Variants in KAZN observed in about 807,000 individuals in gnomAD.
The protein encoded by KAZN is kazrin.
A neutral mutation model predicts 87.4 loss-of-function variants in KAZN; 40 were observed. The ratio of observed to expected loss-of-function variants is 0.46; its 90% confidence interval spans 0.36 to 0.60. KAZN has a LOEUF of 0.60. Ranked by LOEUF, KAZN falls within the 20% of genes least tolerant of loss-of-function variation. KAZN has a pLI of 0.00. For missense variants in KAZN, 898 were observed against 1,073.9 expected, an observed-to-expected ratio of 0.84 and a Z score of 2.29; for synonymous variants, 466 against 458.3, an observed-to-expected ratio of 1.02 and a Z score of -0.22.
rs142854386 is a variant in KAZN at position 14,815,012 on chromosome 1, A to G, written c.227-145672A>G. Among the ~76,000 whole-genome samples the G allele has an allele frequency of 1.9e-3, 293 of 152,222 alleles. 3 individuals are homozygous for G. The highest frequency in any genetic ancestry group is 6.9e-3 in the African/African-American group (287 of 41,552). ...AGTGGGCACCCAGTGGAAGGCAATG[A>G]GTGGACTTCCACTCACAGCAGGGCC... On this transcript the variant is annotated intron_variant, in intron 1 of 14. Transcript: ENST00000376030.
chr1:14,986,824 C>G (rs1245944931), intron 2 of KAZN, among the ~76,000 whole-genome samples: 2 of 152,184 alleles, frequency 1.3e-5, no homozygotes, highest in African/African-American at 4.8e-5. Flanking sequence ...GGACACCAAT[C>G]ACTGTGCCTG....
At chr1:14,884,416 T>C (rs982113463) in intron 1 of KAZN, among the ~76,000 whole-genome samples, 2 of 152,020 alleles carry the variant, frequency 1.3e-5, no homozygotes, top group Non-Finnish European at 1.5e-5. Flanking sequence ...CAAAGGACAT[T>C]GACACCAAAA....
intron 1 of KAZN, among the ~76,000 whole-genome samples, chr1:14,724,201 A>C (rs928516803): frequency 2.0e-5 from 3 of 152,168 alleles, no homozygotes; most frequent in African/African-American, 7.2e-5. Context: ...AAATCCCCCA[A>C]CCAATTTTTT....
At chr1:14,561,026 G>A (rs553997803) in intron 2 of KAZN, among the ~76,000 whole-genome samples, 2 of 152,130 alleles carry the variant, frequency 1.3e-5, no homozygotes, top group African/African-American at 2.4e-5. Flanking sequence ...CCCTGTCTAA[G>A]CTCCTCTCTG....
At chr1:14,006,653 A>G (rs1198311150) in intron 1 of KAZN, among the ~76,000 whole-genome samples, 1 of 152,142 alleles carries the variant, frequency 6.6e-6, no homozygotes, top group Non-Finnish European at 1.5e-5. Flanking sequence ...TTGACTGTAC[A>G]TGCTTGAGTT....
intron 2 of KAZN, among the ~76,000 whole-genome samples, chr1:14,483,403 G>A (rs1288350312): frequency 6.6e-6 from 1 of 152,170 alleles, no homozygotes; most frequent in African/African-American, 2.4e-5. Context: ...AAACCTCACT[G>A]ACATAAGACA....
At chr1:15,000,712 T>A (rs1668376161) in intron 2 of KAZN, among the ~76,000 whole-genome samples, 1 of 151,928 alleles carries the variant, frequency 6.6e-6, no homozygotes. Context: ...CTCAGCCGTG[T>A]ATATTGTTTG....
chr1:14,210,861 T>A (rs889617270), intron 2 of KAZN, among the ~76,000 whole-genome samples: 1 of 152,174 alleles, frequency 6.6e-6, no homozygotes, highest in African/African-American at 2.4e-5. Flanking sequence ...ACACGTAGAA[T>A]CTTAAATCTG....
intron 1 of KAZN, among the ~76,000 whole-genome samples, chr1:13,979,930 CAAAAA>C (rs142839854): frequency 4.0e-5 from 4 of 100,494 alleles, no homozygotes; most frequent in African/African-American, 3.9e-5. Flanking sequence ...GACTCCGTCT[CAAAAA>C]AAAAAAAAAA....
At chr1:14,445,854 G>C (rs139733660) in intron 2 of KAZN, among the ~76,000 whole-genome samples, 1 of 152,042 alleles carries the variant, frequency 6.6e-6, no homozygotes, top group African/African-American at 2.4e-5. Flanking sequence ...CAGGGTTCCC[G>C]CCAGCAGGGA....
At chr1:14,407,178 C>T (rs973553540) in intron 2 of KAZN, among the ~76,000 whole-genome samples, 5 of 152,170 alleles carry the variant, frequency 3.3e-5, no homozygotes, top group Non-Finnish European at 7.3e-5. Context: ...GGTCATTCCT[C>T]GTTTTTGTAT....
At chr1:14,564,862 A>G (rs2148534453) in intron 2 of KAZN, among the ~76,000 whole-genome samples, 1 of 152,260 alleles carries the variant, frequency 6.6e-6, no homozygotes, top group South Asian at 2.1e-4. Context: ...AAATGCCATA[A>G]CAGTGCCTGG....
chr1:14,112,611 A>G (rs1233811945), intron 1 of KAZN, among the ~76,000 whole-genome samples: 1 of 152,184 alleles, frequency 6.6e-6, no homozygotes, highest in Non-Finnish European at 1.5e-5. Context: ...TGTCACTCCC[A>G]TGATTATGTT....
Position 14,769,204 on chromosome 1 carries a change from A to G in KAZN, c.226+169981A>G, listed in dbSNP as rs1644959578. Among the ~76,000 whole-genome samples the G allele has an allele frequency of 6.6e-6, 1 of 152,284 alleles. No homozygotes were observed. Among genetic ancestry groups the G allele is most frequent in the South Asian group, 2.1e-4 (1 of 4,828 alleles). On this transcript the variant is annotated intron_variant, in intron 1 of 14. Coordinates refer to ENST00000376030, the MANE Select transcript of KAZN (RefSeq NM_201628.3). The surrounding 1 kb of genome is among the most constrained non-coding windows in gnomAD (Gnocchi z 4.1). The stretch of plus-strand genomic sequence containing the variant: ...ACCCTGTCATCAGTCCTTCACTCTG[A>G]TAAGCTTGGCGTGCTAGTTTCCATG...
chr1:14,591,082 G>A (rs1416829541), intron 2 of KAZN, among the ~76,000 whole-genome samples: 1 of 152,078 alleles, frequency 6.6e-6, no homozygotes, highest in Non-Finnish European at 1.5e-5. Context: ...GAGAGTGTAG[G>A]AGTGGCTAGA....
intron 1 of KAZN, among the ~76,000 whole-genome samples, chr1:14,052,484 A>C (rs1376150545): frequency 2.0e-5 from 3 of 152,024 alleles, no homozygotes; most frequent in Non-Finnish European, 2.9e-5. Context: ...TTAAGATCAT[A>C]CCCTGTGATG....
chr1:14,781,372 A>G (rs980447247), intron 1 of KAZN, among the ~76,000 whole-genome samples: 5 of 152,228 alleles, frequency 3.3e-5, no homozygotes, highest in African/African-American at 1.2e-4. Context: ...TTCAAGTGCT[A>G]AGAAATCATA....
At chr1:13,930,326 A>C (rs1327176313) in intron 1 of KAZN, among the ~76,000 whole-genome samples, 2 of 152,184 alleles carry the variant, frequency 1.3e-5, no homozygotes, top group Non-Finnish European at 2.9e-5. Context: ...CCTGAACCCC[A>C]CCTGTAGCCT....
At chr1:14,002,942 G>T (rs577824733) in intron 1 of KAZN, among the ~76,000 whole-genome samples, 4 of 152,030 alleles carry the variant, frequency 2.6e-5, no homozygotes, top group African/African-American at 9.7e-5. Flanking sequence ...TAGCAAATTC[G>T]TGGAACCAAC....
Sources: gnomAD v4.1 joint callset for allele counts (sites outside exome capture counted in the v4.1 genomes callset) on GRCh38, gnomAD v4.1.1 for gene constraint, Gnocchi (gnomAD v3.1) non-coding constraint, MANE v1.5 for transcripts, NCBI Gene and HGNC (gene_info 2026-07-23, HGNC 2026-07-21) for gene names.